RIOX2: variants seen among roughly 807,000 people sequenced by gnomAD.
RIOX2 encodes 60S ribosomal protein L27a histidine hydroxylase.
A neutral mutation model predicts 51.2 loss-of-function variants in RIOX2; 43 were observed. The ratio of observed to expected loss-of-function variants is 0.84; its 90% CI spans 0.66 to 1.08. RIOX2 has a LOEUF of 1.08. RIOX2 is among the 50% of genes least tolerant of loss of function. RIOX2 has a pLI of 0.00. For synonymous variants in RIOX2, 226 were observed against 218.5 expected (o/e 1.03, Z -0.30); for missense variants, 566 against 561.7 (o/e 1.01, Z -0.08).
At chr3:97,951,147 T>C (rs923230428) in intron 5 of RIOX2, 12 of 367,354 alleles carry the variant, frequency 3.3e-5, no homozygotes, top group Non-Finnish European at 5.5e-5. Flanking sequence ...AATACTGATT[T>C]CTCTTAAAAG....
At chr3:97,964,457 G>A (rs553107207) in intron 2 of RIOX2, among the ~76,000 whole-genome samples, 4 of 151,962 alleles carry the variant, frequency 2.6e-5, no homozygotes, top group Admixed American at 1.3e-4. Flanking sequence ...TTGGGAGGCC[G>A]AGGCAGGTGG....
Position 97,942,264 on chromosome 3 carries a change from T to C in RIOX2, c.*2920A>G. 1 of 1,581,872 alleles carries C rather than the reference T, an allele frequency of 6.3e-7. No homozygotes were observed. Among genetic ancestry groups the C allele is most frequent in the Non-Finnish European group, 8.6e-7 (1 of 1,159,928 alleles). On this transcript the variant is annotated 3_prime_UTR_variant, in exon 10 of 10. Transcript: ENST00000394198. ...TAGCAAACATACTACTGCCAATTAA[T>C]CATTTCTTAACCCTTTTAGGCCAGT...
chr3:97,945,826 T>C lies in RIOX2; in HGVS notation c.1211A>G (p.His404Arg), dbSNP rs2040343011. 6.2e-7 allele frequency: 1 copy of C among 1,610,896 alleles called. No homozygotes were observed. The highest frequency in any genetic ancestry group is 1.3e-5 in the African/African-American group (1 of 74,836). ...TGTTTCCTCCTCATTTCCCATCATGTGTGTCTCTCTACTATTCTTTAAGGA... is the reference window on the plus strand; with the variant it reads ...TGTTTCCTCCTCATTTCCCATCATGCGTGTCTCTCTACTATTCTTTAAGGA... Reference protein sequence around the residue: ...YHSLKNSRETHMMGNEEETEF... With the variant: ...YHSLKNSRETRMMGNEEETEF... The change falls in exon 9 of 10, where the codon CAC becomes CGC. Residue 404 changes from histidine to arginine, a missense_variant. Physicochemically the swap from His to Arg is conservative, Grantham distance 29. Transcript: ENST00000394198.
At chr3:97,945,767 G>GTCACAAAACAAAA in intron 9 of RIOX2, 31 bp downstream of exon 9, 1 of 1,503,554 alleles carries the variant, frequency 6.7e-7, no homozygotes, top group Non-Finnish European at 9.2e-7. Flanking sequence ...CCAAGTCACA[G>GTCACAAAACAAAA]GATAGGCATT....
Position 97,950,017 on chromosome 3 carries a change from T to C in RIOX2, c.889-2A>G, listed in dbSNP as rs1210895254. On this transcript the variant is annotated splice_acceptor_variant, in intron 6 of 9. Transcript: ENST00000394198. LOFTEE classifies it high-confidence loss of function. ...AGCAACAGTTGTGGATTCCACCTGC[T>C]AGGAACACAGAAGTGAGTCCTGGCC... 8 of 1,613,090 alleles carry C rather than the reference T, an allele frequency of 5.0e-6. No homozygotes were observed. In the East Asian group the frequency reaches 1.8e-4, roughly 36 times the overall value.
chr3:97,961,085 T>C (rs971421238), intron 3 of RIOX2, among the ~76,000 whole-genome samples: 5 of 152,200 alleles, frequency 3.3e-5, no homozygotes, highest in African/African-American at 1.2e-4. Context: ...TTGGAAGCCA[T>C]ATCAGAGTGA....
intron 5 of RIOX2, among the ~76,000 whole-genome samples, chr3:97,951,944 T>C (rs944918711): frequency 3.9e-5 from 6 of 152,218 alleles, no homozygotes; most frequent in African/African-American, 7.2e-5. Flanking sequence ...GTGGAAGTCA[T>C]ACAGCAACAG....
intron 5 of RIOX2, among the ~76,000 whole-genome samples, chr3:97,953,063 T>C (rs1265010703): frequency 6.6e-6 from 1 of 152,186 alleles, no homozygotes; most frequent in East Asian, 1.9e-4. Context: ...GGAGGTGACT[T>C]GCCGTCCCTT....
Position 97,959,160 on chromosome 3 carries a change from TC to T in RIOX2, c.571del (p.Glu191ArgfsTer36). 1 of 1,613,752 alleles carries T rather than the reference TC, an allele frequency of 6.2e-7. No individual in the cohort carries two copies. ...GTAGAGGCGCCAGTGTTTCTCTCCC[TC>T]CAGCTGCAGGATGAAAACCTAGAGA... ...DDVEVFILQL[E>X]GEKHWRLYHP... On this transcript the variant is annotated frameshift_variant, in exon 4 of 10. Coordinates refer to ENST00000394198, the MANE Select transcript of RIOX2 (RefSeq NM_153182.4). LOFTEE classifies it high-confidence loss of function.
intron 9 of RIOX2, 130 bp from the exon 10 acceptor site, chr3:97,945,472 C>CAATT (rs1199923807): frequency 1.3e-6 from 1 of 786,592 alleles, no homozygotes. Context: ...AGACACACTA[C>CAATT]AATTAGATAA....
At chr3:97,965,427 A>G (rs1705851895) in intron 2 of RIOX2, among the ~76,000 whole-genome samples, 1 of 151,414 alleles carries the variant, frequency 6.6e-6, no homozygotes, top group Non-Finnish European at 1.5e-5. Context: ...CAGAAGGATC[A>G]CTTGAACCCA....
Position 97,942,178 on chromosome 3 carries a change from C to A in RIOX2, c.*3006G>T. On this transcript the variant is annotated 3_prime_UTR_variant, in exon 10 of 10. Transcript: ENST00000394198. ...ATAGTATTTTTTTAGATAAGACACA[C>A]ACACACTTCATGTCTATGACTTGTT... 1 of 926,276 alleles carries A rather than the reference C, an allele frequency of 1.1e-6. No individual in the cohort carries two copies. Among genetic ancestry groups the A allele is most frequent in the Non-Finnish European group, 1.6e-6 (1 of 636,914 alleles). 57.4% of individuals were successfully genotyped at this position (926,276 alleles called of 1,614,324 possible). A position where few individuals can be genotyped will look rare whatever the true frequency, so the allele number is the denominator to read the frequency against.
chr3:97,951,463 A>G (rs1393759489), intron 5 of RIOX2, among the ~76,000 whole-genome samples: 1 of 152,148 alleles, frequency 6.6e-6, no homozygotes, highest in Non-Finnish European at 1.5e-5. Flanking sequence ...TTACCGGGGG[A>G]TAGAAGCCAG....
Position 97,967,176 on chromosome 3 carries a change from G to A in RIOX2, c.418C>T (p.Pro140Ser). ...QKRATIQFHQ[P>S]QRFKDELWRI... ...AAACTGGTTACCTTAAATCTCTGAG[G>A]TTGGTGAAACTGAATCGTTGCCCTT... The change falls in exon 2 of 10, where the codon CCT (proline) becomes TCT (serine). Residue 140 changes from proline to serine, a missense_variant. Physicochemically the swap from Pro to Ser is moderately conservative, Grantham distance 74. Coordinates refer to ENST00000394198, the MANE Select transcript of RIOX2 (RefSeq NM_153182.4). 6.2e-7 allele frequency: 1 copy of A among 1,613,676 alleles called. No homozygotes were observed. The highest frequency in any genetic ancestry group is 8.5e-7 in the Non-Finnish European group (1 of 1,179,770).
intron 7 of RIOX2, among the ~76,000 whole-genome samples, chr3:97,949,250 C>T (rs1404851518): frequency 6.6e-6 from 1 of 152,022 alleles, no homozygotes; most frequent in Non-Finnish European, 1.5e-5. Flanking sequence ...GTTCCCATGA[C>T]AGCTGGTGTT....
intron 2 of RIOX2, among the ~76,000 whole-genome samples, chr3:97,962,649 G>A (rs1344547819): frequency 6.6e-6 from 1 of 152,172 alleles, no homozygotes; most frequent in Non-Finnish European, 1.5e-5. Context: ...CAAGGCTGGT[G>A]AGAAGAGAGG....
chr3:97,964,749 C>CA (rs1705818352), intron 2 of RIOX2, among the ~76,000 whole-genome samples: 2 of 93,310 alleles, frequency 2.1e-5, no homozygotes, highest in Admixed American at 2.0e-4. Context: ...GAAAATGGAA[C>CA]AAAAGCTGCC....
chr3:97,968,189 G>A (rs1241493393), intron 1 of RIOX2, among the ~76,000 whole-genome samples: 1 of 152,260 alleles, frequency 6.6e-6, no homozygotes, highest in African/African-American at 2.4e-5. Context: ...GGTGGCTGGA[G>A]CAGGCCACTG....
intron 1 of RIOX2, among the ~76,000 whole-genome samples, chr3:97,970,730 T>A (rs977117462): frequency 2.0e-5 from 3 of 152,210 alleles, no homozygotes; most frequent in Non-Finnish European, 4.4e-5. Context: ...CTATAAGCAT[T>A]AAATGTAAAA....
Sources: allele counts gnomAD v4.1 joint callset (sites outside exome capture counted in the v4.1 genomes callset), GRCh38; gene constraint gnomAD v4.1.1; transcripts MANE v1.5; gene names NCBI Gene and HGNC (gene_info 2026-07-23, HGNC 2026-07-21).